Variants in OTULIN observed in about 807,000 individuals in gnomAD.
OTULIN encodes the protein OTU deubiquitinase with linear linkage specificity.
A neutral mutation model predicts 39.6 loss-of-function variants in OTULIN; 15 were observed. That is an observed-to-expected ratio of 0.38 (90% confidence interval 0.25 to 0.58). The LOEUF is 0.58. Among genes scored for constraint, OTULIN ranks in the 20% least tolerant of loss-of-function variants. OTULIN has a pLI of 0.66. For missense variants in OTULIN, 319 were observed against 445.9 expected, an observed-to-expected ratio of 0.72 and a Z score of 2.56; for synonymous variants, 156 against 170.3, an observed-to-expected ratio of 0.92 and a Z score of 0.65.
the OTULIN span, chr5:14,713,105 T>G: frequency 7.9e-6 from 7 of 886,332 alleles, 1 homozygote; most frequent in South Asian, 1.0e-4. This position sits in a 1 kb window ranked among gnomAD's most constrained non-coding sequence, Gnocchi z 4.4. Flanking sequence ...TCTGCTGGCT[T>G]CGTAAGGGCC....
At chr5:14,669,838 A>T (rs1735938681) in intron 1 of OTULIN, among the ~76,000 whole-genome samples, 1 of 152,360 alleles carries the variant, frequency 6.6e-6, no homozygotes, top group South Asian at 2.1e-4. Context: ...TATGGGGCAC[A>T]TAGTGATGTT....
the OTULIN span, chr5:14,706,867 GC>G: frequency 1.3e-5 from 2 of 152,196 alleles, no homozygotes; most frequent in Non-Finnish European, 1.5e-5. Flanking sequence ...TTATATGAGA[GC>G]CATCAGAGGA....
the OTULIN span, chr5:14,710,863 C>T: frequency 1.3e-4 from 47 of 366,706 alleles, no homozygotes; most frequent in East Asian, 2.1e-3. Context: ...CAGCTGCAGT[C>T]CTTTGGTTCC....
At chr5:14,703,664 GC>G (rs1252860795), downstream of OTULIN, among the ~76,000 whole-genome samples, 1 of 152,186 alleles carries the variant, frequency 6.6e-6, no homozygotes, top group Admixed American at 6.5e-5. Context: ...TGATGCTGGG[GC>G]CAGCGCAGCT....
In OTULIN at chr5:14,678,751, A is replaced by C. The variant is rs202133673; in HGVS notation, c.300A>C (p.Thr100=). The part of the protein sequence containing the change: ...DYCKKEWRGN[T]QKATCMKMGY... ...GCAAAAAAGAATGGAGAGGAAATACACAGAAAGCAACGTGTATGAAAATGG... is the reference window on the plus strand; with the variant it reads ...GCAAAAAAGAATGGAGAGGAAATACCCAGAAAGCAACGTGTATGAAAATGG... Residue 100 remains threonine (T), a synonymous_variant, in exon 3 of 7, where the codon ACA becomes ACC. Coordinates refer to ENST00000284274, the MANE Select transcript of OTULIN (RefSeq NM_138348.6). 1.3e-5 allele frequency: 21 copies of C among 1,609,314 alleles called. No homozygotes were observed. Among genetic ancestry groups the C allele is most frequent in the Non-Finnish European group, 1.7e-6 (2 of 1,178,136 alleles).
At chr5:14,689,934 G>A in intron 5 of OTULIN, 105 bp from the exon 6 acceptor site, 1 of 1,179,086 alleles carries the variant, frequency 8.5e-7, no homozygotes, top group Admixed American at 2.3e-5. Flanking sequence ...ATTGGTAAGT[G>A]ACCCATGGTC....
At position 14,678,887 on chromosome 5, in the gene OTULIN, G is replaced by A. The variant is rs31930; in HGVS notation, c.324+112G>A. ...AGTTAAAATGACTGCTATAGACGTT[G>A]TTATTGGTGTTCTAATTTTAGAGTT... On this transcript the variant is annotated intron_variant, in intron 3 of 6. Transcript: ENST00000284274. 0.93 allele frequency: 535,805 copies of A among 577,316 alleles called. 249,064 individuals carry two copies. The highest frequency in any genetic ancestry group is 0.97 in the African/African-American group (50,195 of 51,520). 35.8% of individuals were successfully genotyped at this position (577,316 alleles called of 1,614,324 possible).
intron 1 of OTULIN, among the ~76,000 whole-genome samples, chr5:14,668,270 G>A (rs1191006003): frequency 6.6e-6 from 1 of 152,158 alleles, no homozygotes; most frequent in African/African-American, 2.4e-5. Context: ...CTCATGAAGA[G>A]CCTGCTTTGA....
At chr5:14,680,846 G>T (rs955066409) in intron 3 of OTULIN, among the ~76,000 whole-genome samples, 1 of 152,180 alleles carries the variant, frequency 6.6e-6, no homozygotes, top group Non-Finnish European at 1.5e-5. Context: ...ATCATCTGAG[G>T]TCAGGAGTTC....
At chr5:14,673,515 T>C in intron 1 of OTULIN, 127 bp from the exon 2 acceptor site, 1 of 555,972 alleles carries the variant, frequency 1.8e-6, no homozygotes. Context: ...TTTTATTAGA[T>C]TATCATCATG....
rs1317811058 is a variant in OTULIN, at chr5:14,696,158, T to C, written c.*3110T>C. ...CCTCCCTCTTCCCGATGTGCTGTTT[T>C]ACCTAGGAGTTAGTCTGCTTTCTGA... On this transcript the variant is annotated 3_prime_UTR_variant, in exon 7 of 7. Coordinates refer to ENST00000284274, the MANE Select transcript of OTULIN (RefSeq NM_138348.6). 4 of 152,200 alleles carry C rather than the reference T, an allele frequency of 2.6e-5. No individual in the cohort carries two copies. Among genetic ancestry groups the C allele is most frequent in the Non-Finnish European group, 5.9e-5 (4 of 68,016 alleles). 9.4% of individuals were successfully genotyped at this position (152,200 alleles called of 1,614,324 possible).
intron 5 of OTULIN, 150 bp downstream of exon 5, chr5:14,687,796 C>G (rs1039313159): frequency 2.2e-6 from 2 of 901,722 alleles, no homozygotes; most frequent in Non-Finnish European, 3.2e-6. Context: ...TCAAACTCTT[C>G]CCACGAGGGC....
At chr5:14,714,326 G>T in the OTULIN span, among the ~76,000 whole-genome samples, 1 of 152,238 alleles carries the variant, frequency 6.6e-6, no homozygotes, top group Non-Finnish European at 1.5e-5. Context: ...AGGGCCATGG[G>T]TGGACAGCGG....
At chr5:14,674,378 G>A (rs1281716752) in intron 2 of OTULIN, among the ~76,000 whole-genome samples, 1 of 152,216 alleles carries the variant, frequency 6.6e-6, no homozygotes, top group African/African-American at 2.4e-5. Flanking sequence ...GGGATATCCC[G>A]TGAATAATCA....
intron 2 of OTULIN, 24 bp downstream of exon 2, chr5:14,673,742 A>G: frequency 2.5e-6 from 4 of 1,598,336 alleles, no homozygotes; most frequent in East Asian, 4.5e-5. Flanking sequence ...TGTTTTATTT[A>G]TAGAGTTCTT....
the OTULIN span, among the ~76,000 whole-genome samples, chr5:14,712,266 C>T: frequency 6.6e-6 from 1 of 152,234 alleles, no homozygotes; most frequent in Non-Finnish European, 1.5e-5. Flanking sequence ...TCTGCTGCCC[C>T]GGCCTGTTCA....
intron 2 of OTULIN, among the ~76,000 whole-genome samples, chr5:14,677,193 A>G (rs1579965318): frequency 6.6e-6 from 1 of 152,138 alleles, no homozygotes; most frequent in East Asian, 1.9e-4. Context: ...TGTGCTCCTA[A>G]TCATCCTGGC....
In OTULIN at chr5:14,674,628, G is replaced by A. The variant is rs370141868; in HGVS notation, c.229+910G>A. Among the ~76,000 whole-genome samples the A allele has an allele frequency of 1.2e-4, 18 of 152,224 alleles. 1 individual carries two copies. The highest frequency in any genetic ancestry group is 4.1e-4 in the African/African-American group (17 of 41,552). On this transcript the variant is annotated intron_variant, in intron 2 of 6. Transcript: ENST00000284274. ...AAATTAATCGGGCGTGGTGGTGTAC[G>A]TTTGTGGTGCCAGCTACTCAGGAGG...
intron 5 of OTULIN, among the ~76,000 whole-genome samples, chr5:14,688,765 TG>T (rs1211472391): frequency 6.6e-6 from 1 of 152,164 alleles, no homozygotes; most frequent in Non-Finnish European, 1.5e-5. Context: ...CTTGGGTTAG[TG>T]GAAGGCTGAC....
Sources: gnomAD v4.1 joint callset for allele counts (sites outside exome capture counted in the v4.1 genomes callset) on GRCh38, gnomAD v4.1.1 for gene constraint, Gnocchi (gnomAD v3.1) non-coding constraint, MANE v1.5 for transcripts, NCBI Gene and HGNC (gene_info 2026-07-23, HGNC 2026-07-21) for gene names.